Variants in ORC3 observed in about 807,000 individuals in gnomAD.
ORC3 encodes the protein origin recognition complex subunit 3, also known as homolog of latheo, Drosophila.
ORC3 carries 78 observed loss-of-function variants against 100.7 expected under a neutral mutation model. The observed-to-expected ratio is 0.77, with a 90% CI of 0.65 to 0.94. The LOEUF is 0.94. Ranked by LOEUF, ORC3 falls within the 40% of genes least tolerant of loss-of-function variation. The pLI, the probability that ORC3 is intolerant of heterozygous loss-of-function variation, is 0.00. For missense variants in ORC3, 789 were observed against 823.9 expected (o/e 0.96, Z 0.52); for synonymous variants, 295 against 289.3 (o/e 1.02, Z -0.20).
intron 16 of ORC3, among the ~76,000 whole-genome samples, chr6:87,659,534 G>A (rs1398902142): frequency 1.3e-5 from 2 of 152,092 alleles, no homozygotes; most frequent in South Asian, 2.1e-4. Context: ...TGGGGACAGA[G>A]TCATTGTTCC....
At chr6:87,632,878 C>G (rs953282523) in intron 11 of ORC3, among the ~76,000 whole-genome samples, 1 of 152,026 alleles carries the variant, frequency 6.6e-6, no homozygotes, top group Non-Finnish European at 1.5e-5. Flanking sequence ...TAAAGCAAAA[C>G]AAAACATTTT....
At chr6:87,602,954 A>AATAC (rs1554236516) in intron 3 of ORC3, among the ~76,000 whole-genome samples, 1 of 95,300 alleles carries the variant, frequency 1.0e-5, no homozygotes, top group Admixed American at 1.4e-4. Flanking sequence ...ACACATATAT[A>AATAC]ATATATATAT....
intron 13 of ORC3, chr6:87,650,936 G>A (rs1013254470): frequency 3.1e-6 from 1 of 323,904 alleles, no homozygotes. Flanking sequence ...GGACCTGGGA[G>A]GCAGAGGTTG....
chr6:87,638,877 A>C (rs1017306792), intron 13 of ORC3, among the ~76,000 whole-genome samples: 1 of 152,018 alleles, frequency 6.6e-6, no homozygotes, highest in Non-Finnish European at 1.5e-5. Context: ...TAAGTGTAAG[A>C]AAATGGTTGC....
At chr6:87,654,025 C>T (rs774150820) in intron 14 of ORC3, among the ~76,000 whole-genome samples, 1 of 151,958 alleles carries the variant, frequency 6.6e-6, no homozygotes, top group East Asian at 1.9e-4. Context: ...TTGGTGTGTA[C>T]GTTTTACTTT....
At chr6:87,615,940 CA>C (rs1244567171) in intron 8 of ORC3, among the ~76,000 whole-genome samples, 3 of 151,412 alleles carry the variant, frequency 2.0e-5, no homozygotes, top group Non-Finnish European at 2.9e-5. Context: ...TAATTTGAAT[CA>C]GTAGTAATGA....
chr6:87,677,727 C>T, the ORC3 span: 2 of 1,420,464 alleles, frequency 1.4e-6, no homozygotes, highest in East Asian at 4.6e-5. Context: ...ATATACCGCA[C>T]CAGTGTATAG....
chr6:87,610,918 A>C (rs1053466951), intron 7 of ORC3, among the ~76,000 whole-genome samples: 1 of 142,826 alleles, frequency 7.0e-6, no homozygotes, highest in African/African-American at 2.6e-5. Flanking sequence ...TAAGAGTTCT[A>C]TATATTAGGA....
At chr6:87,666,137 GT>G (rs1770582311) in intron 19 of ORC3, among the ~76,000 whole-genome samples, 1 of 151,912 alleles carries the variant, frequency 6.6e-6, no homozygotes, top group Non-Finnish European at 1.5e-5. Flanking sequence ...TTTTTTGTTT[GT>G]TTGTTTGTTT....
intron 13 of ORC3, among the ~76,000 whole-genome samples, chr6:87,636,863 A>C (rs2128279178): frequency 6.6e-6 from 1 of 152,354 alleles, no homozygotes; most frequent in South Asian, 2.1e-4. Context: ...GGTTGAATGC[A>C]GGAAGAGCAT....
At chr6:87,592,263 T>C (rs1777087197) in intron 1 of ORC3, among the ~76,000 whole-genome samples, 1 of 152,228 alleles carries the variant, frequency 6.6e-6, no homozygotes, top group Admixed American at 6.5e-5. Flanking sequence ...AATGACAGGT[T>C]TGTCATGGTA....
downstream of ORC3, among the ~76,000 whole-genome samples, chr6:87,671,195 ATGGG>A (rs1284521644): frequency 2.0e-5 from 3 of 152,172 alleles, no homozygotes; most frequent in South Asian, 6.2e-4. Flanking sequence ...GTAGAATAGG[ATGGG>A]TGAGAGGAGA....
At chr6:87,591,653 A>G (rs867602039) in intron 1 of ORC3, among the ~76,000 whole-genome samples, 6 of 152,326 alleles carry the variant, frequency 3.9e-5, no homozygotes, top group Admixed American at 1.3e-4. Flanking sequence ...AAATGTCTGT[A>G]TTGGGATGAG....
chr6:87,654,823 T>C (rs1769545023), intron 14 of ORC3, among the ~76,000 whole-genome samples: 1 of 152,172 alleles, frequency 6.6e-6, no homozygotes, highest in Non-Finnish European at 1.5e-5. Flanking sequence ...ATTAACGAGG[T>C]AATCTAGATA....
chr6:87,610,907 C>G (rs1778709163), intron 7 of ORC3, among the ~76,000 whole-genome samples: 2 of 142,858 alleles, frequency 1.4e-5, no homozygotes, highest in African/African-American at 2.6e-5. Context: ...TTCATTGATT[C>G]TAAGAGTTCT....
intron 16 of ORC3, among the ~76,000 whole-genome samples, chr6:87,659,017 T>TGGGG (rs1201770464): frequency 1.9e-4 from 2 of 10,552 alleles, no homozygotes; most frequent in African/African-American, 7.0e-4. Flanking sequence ...ACCTAAAAAG[T>TGGGG]GGGGCGGGGG....
At chr6:87,616,805 CT>C (rs112902935) in intron 9 of ORC3, among the ~76,000 whole-genome samples, 89 of 144,474 alleles carry the variant, frequency 6.2e-4, no homozygotes, top group South Asian at 1.1e-3. Context: ...ACATTTTTAG[CT>C]TTTTTTTTTT....
chr6:87,664,491 T>C (rs1032866344), intron 17 of ORC3, among the ~76,000 whole-genome samples: 1 of 152,172 alleles, frequency 6.6e-6, no homozygotes, highest in Non-Finnish European at 1.5e-5. Flanking sequence ...ATTTATGGAT[T>C]GAAATGAAAA....
At chr6:87,617,223 G>A (rs1016350397) in intron 9 of ORC3, among the ~76,000 whole-genome samples, 1 of 152,090 alleles carries the variant, frequency 6.6e-6, no homozygotes, top group South Asian at 2.1e-4. Flanking sequence ...GTGTGTGTGT[G>A]TGTCTCTGTA....
Sources: allele counts gnomAD v4.1 joint callset (sites outside exome capture counted in the v4.1 genomes callset), GRCh38; gene constraint gnomAD v4.1.1; transcripts MANE v1.5; gene names NCBI Gene and HGNC (gene_info 2026-07-23, HGNC 2026-07-21).